Variants in BICC1 observed in about 807,000 individuals in gnomAD.
BICC1 encodes the protein BicC family RNA binding protein 1, also known as protein bicaudal C homolog 1.
BICC1 carries 43 observed loss-of-function variants against 111.0 expected under a neutral mutation model. The observed-to-expected ratio is 0.39, with a 90% CI of 0.30 to 0.50. The LOEUF (loss-of-function observed/expected upper bound fraction) is 0.50. Among genes scored for constraint, BICC1 ranks in the 20% least tolerant of loss-of-function variants. The pLI is 0.88. For synonymous variants in BICC1, 467 were observed against 434.4 expected, an observed-to-expected ratio of 1.07 and a Z score of -0.93; for missense variants, 1,091 against 1,203.2, an observed-to-expected ratio of 0.91 and a Z score of 1.38.
In BICC1 at chr10:58,637,203, G is replaced by C. The variant is rs552188795; in HGVS notation, c.237+16302G>C. On this transcript the variant is annotated intron_variant, in intron 2 of 20. Coordinates refer to ENST00000373886, the MANE Select transcript of BICC1 (RefSeq NM_001080512.3). ...GAATAAAAACATTTCCTTCTCGAGT[G>C]AAGATTTTTTTTCTTTTCTTTTGAG... Among the ~76,000 whole-genome samples the C allele has an allele frequency of 3.9e-5, 6 of 152,256 alleles. No homozygotes were observed. In the South Asian group the frequency reaches 1.2e-3, roughly 32 times the overall value.
At chr10:58,516,841 TAACTC>T (rs1842254895) in intron 1 of BICC1, among the ~76,000 whole-genome samples, 2 of 152,186 alleles carry the variant, frequency 1.3e-5, no homozygotes, top group Admixed American at 6.5e-5. Context: ...TAACTCACAT[TAACTC>T]AACTGAGTTA....
intron 1 of BICC1, among the ~76,000 whole-genome samples, chr10:58,541,793 C>G (rs1842990178): frequency 6.6e-6 from 1 of 151,958 alleles, no homozygotes; most frequent in African/African-American, 2.4e-5. Context: ...CTCGTATGTC[C>G]TGACTTAAAA....
chr10:58,706,475 T>A (rs560529353), intron 3 of BICC1, among the ~76,000 whole-genome samples: 37 of 152,318 alleles, frequency 2.4e-4, no homozygotes, highest in African/African-American at 8.7e-4. Flanking sequence ...TTGCTCTTAA[T>A]CTGCTCATCA....
At chr10:58,612,552 C>T (rs1263247738) in intron 1 of BICC1, among the ~76,000 whole-genome samples, 1 of 149,446 alleles carries the variant, frequency 6.7e-6, no homozygotes, top group Non-Finnish European at 1.5e-5. Flanking sequence ...TTTCAGGTGA[C>T]CGAAAAGCAC....
chr10:58,721,859 T>TTGATGATTCCCTTG (rs1209826415), intron 3 of BICC1, among the ~76,000 whole-genome samples: 2 of 152,154 alleles, frequency 1.3e-5, no homozygotes, highest in Non-Finnish European at 2.9e-5. Flanking sequence ...TTAAGGAGCA[T>TTGATGATTCCCTTG]TGATGATTGA....
chr10:58,753,085 C>T (rs1269037392), intron 3 of BICC1, among the ~76,000 whole-genome samples: 2 of 152,142 alleles, frequency 1.3e-5, no homozygotes, highest in African/African-American at 4.8e-5. Context: ...ATTTACACTG[C>T]CTCTGCTGGG....
At position 58,678,975 on chromosome 10, in the gene BICC1, C is replaced by A. The variant is rs552012742; in HGVS notation, c.238-23099C>A. On this transcript the variant is annotated intron_variant, in intron 2 of 20. Transcript: ENST00000373886. ...AAAATTAGGCAGAAATAAATAAGTT[C>A]TTTGAAACCAATGTGAACGAAGACA... Among the ~76,000 whole-genome samples the A allele has an allele frequency of 3.9e-5, 6 of 152,278 alleles. No homozygotes were observed. The South Asian group carries it at 1.0e-3, about 26-fold the overall frequency.
chr10:58,514,179 C>T (rs922763711), intron 1 of BICC1, among the ~76,000 whole-genome samples: 1 of 152,164 alleles, frequency 6.6e-6, no homozygotes, highest in Non-Finnish European at 1.5e-5. Flanking sequence ...GTCATTTTGA[C>T]CTTTCTTAAA....
chr10:58,650,897 AG>A (rs2132249774), intron 2 of BICC1: 1 of 152,226 alleles, frequency 6.6e-6, no homozygotes, highest in South Asian at 2.1e-4. Context: ...TCTTGGTAGG[AG>A]AAGGTGAAAC....
chr10:58,676,600 G>A (rs1208115365), intron 2 of BICC1, among the ~76,000 whole-genome samples: 1 of 152,222 alleles, frequency 6.6e-6, no homozygotes, highest in East Asian at 1.9e-4. Flanking sequence ...CCTGGGGAAA[G>A]GGGTGGCTGT....
intron 2 of BICC1, among the ~76,000 whole-genome samples, chr10:58,628,769 TCACTGACATGAAGAATCGA>T (rs1837707886): frequency 6.6e-6 from 1 of 152,316 alleles, no homozygotes; most frequent in Admixed American, 6.5e-5. Flanking sequence ...GTTACATTGG[TCACTGACATGAAGAATCGA>T]CATTACTTGT....
rs959284065 is a variant in BICC1, at chr10:58,667,988, C to A, written c.238-34086C>A. On this transcript the variant is annotated intron_variant, in intron 2 of 20. Transcript: ENST00000373886. ...CCAGATGTTCAATAAAAGTTTTTTT[C>A]CTTTGTCTCATCTTGGCTTACTGTA... Among the ~76,000 whole-genome samples the A allele has an allele frequency of 3.3e-5, 5 of 152,026 alleles. No individual in the cohort carries two copies. The East Asian group carries it at 9.6e-4, about 29-fold the overall frequency.
intron 1 of BICC1, among the ~76,000 whole-genome samples, chr10:58,610,307 G>A (rs1254877517): frequency 6.6e-6 from 1 of 152,126 alleles, no homozygotes; most frequent in Non-Finnish European, 1.5e-5. Context: ...GGTCAGCACT[G>A]TCTTAGATTG....
intron 1 of BICC1, among the ~76,000 whole-genome samples, chr10:58,531,282 A>G (rs77901699): frequency 0.031 from 4,697 of 151,888 alleles, 228 homozygotes; most frequent in African/African-American, 0.11. Context: ...TAGTACTGCA[A>G]ACAGACACCA....
chr10:58,664,103 TGTAA>T (rs1838932648), intron 2 of BICC1, among the ~76,000 whole-genome samples: 1 of 152,210 alleles, frequency 6.6e-6, no homozygotes, highest in Non-Finnish European at 1.5e-5. Flanking sequence ...TGTTGGCTCA[TGTAA>T]GTGTGTGTTT....
intron 3 of BICC1, among the ~76,000 whole-genome samples, chr10:58,721,465 G>GA (rs1564574270): frequency 6.6e-6 from 1 of 152,074 alleles, no homozygotes; most frequent in Non-Finnish European, 1.5e-5. Context: ...GCTGTCTAGT[G>GA]AAAAAATGAC....
intron 2 of BICC1, among the ~76,000 whole-genome samples, chr10:58,685,394 A>G (rs1161517275): frequency 6.6e-6 from 1 of 152,204 alleles, no homozygotes; most frequent in African/African-American, 2.4e-5. Flanking sequence ...CGCTTGGTGC[A>G]GAGTTGAGTT....
At chr10:58,657,407 A>C (rs1191174104) in intron 2 of BICC1, among the ~76,000 whole-genome samples, 1 of 152,118 alleles carries the variant, frequency 6.6e-6, no homozygotes, top group South Asian at 2.1e-4. Context: ...AGGAACGTGC[A>C]CTAGTAGTTT....
At chr10:58,583,378 C>T (rs1180064735) in intron 1 of BICC1, among the ~76,000 whole-genome samples, 1 of 152,018 alleles carries the variant, frequency 6.6e-6, no homozygotes, top group Non-Finnish European at 1.5e-5. Flanking sequence ...CCCACCCTTC[C>T]CCTCGAGTCC....
Sources: gnomAD v4.1 joint callset for allele counts (sites outside exome capture counted in the v4.1 genomes callset) on GRCh38, gnomAD v4.1.1 for gene constraint, MANE v1.5 for transcripts, NCBI Gene and HGNC (gene_info 2026-07-23, HGNC 2026-07-21) for gene names.